GLT8D2: variants seen among roughly 807,000 people sequenced by gnomAD.
GLT8D2 encodes the protein glycosyltransferase 8 domain containing 2.
In GLT8D2, 45 loss-of-function variants were observed where a neutral mutation model predicts 44.5. The observed-to-expected ratio is 1.01, with a 90% CI of 0.80 to 1.30. GLT8D2 has a LOEUF of 1.30. Among genes scored for constraint, GLT8D2 ranks in the 50% most tolerant of loss-of-function variants. The pLI is 0.00. For missense variants in GLT8D2, 400 were observed against 430.4 expected (o/e 0.93, Z 0.62); for synonymous variants, 156 against 157.2 (o/e 0.99, Z 0.06).
chr12:104,034,196 C>T lies in GLT8D2; in HGVS notation c.-163-12705G>A, dbSNP rs530366883. On this transcript the variant is annotated intron_variant, in intron 1 of 10. Transcript: ENST00000360814. The stretch of plus-strand genomic sequence containing the variant: ...TTCCAAGATGGCTGAATAGGAACAG[C>T]TCTGGTCTGCAGCTCCCAGCGTGAT... 5.3e-5 allele frequency among the ~76,000 whole-genome samples: 8 copies of T among 152,290 alleles called. No individual in the cohort carries two copies. The South Asian group carries it at 1.5e-3, about 28-fold the overall frequency.
chr12:104,001,698 T>TTTATTTATTTATTTA (rs1874241558), intron 5 of GLT8D2, among the ~76,000 whole-genome samples: 2 of 141,624 alleles, frequency 1.4e-5, no homozygotes, highest in South Asian at 5.0e-4. Context: ...TTATTTATTT[T>TTTATTTATTTATTTA]TTATTTATTA....
At chr12:103,999,323 G>T in intron 6 of GLT8D2, 74 bp downstream of exon 6, 1 of 765,470 alleles carries the variant, frequency 1.3e-6, no homozygotes. Flanking sequence ...CATGCATCCC[G>T]GTGACTAGCA....
chr12:104,026,421 T>C (rs1878581868), intron 1 of GLT8D2, among the ~76,000 whole-genome samples: 1 of 152,112 alleles, frequency 6.6e-6, no homozygotes, highest in Non-Finnish European at 1.5e-5. Context: ...TATTCTGGAG[T>C]ATTTTATTTG....
intron 3 of GLT8D2, among the ~76,000 whole-genome samples, chr12:104,017,622 C>T (rs1300163937): frequency 1.3e-5 from 2 of 152,118 alleles, no homozygotes; most frequent in African/African-American, 4.8e-5. Context: ...TGTGCCTGGC[C>T]TAAAGAAAAT....
chr12:103,994,483 G>A lies in GLT8D2; in HGVS notation c.619C>T (p.Leu207=). The change falls in exon 9 of 11, where the codon CTG becomes TTG. Residue 207 remains leucine (L), a synonymous_variant. Coordinates refer to ENST00000360814, the MANE Select transcript of GLT8D2 (RefSeq NM_001384711.1). ...TTGATGGCCTTCTTCCGGTAGTCCA[G>A]ATAGCCCATATATGTGTTCTGTAAG... ...VGLQNTYMGY[L]DYRKKAIKDL... is the part of the protein sequence containing the mutation. The A allele has an allele frequency of 6.2e-7, 1 of 1,613,794 alleles. No individual in the cohort carries two copies. The highest frequency in any genetic ancestry group is 1.7e-4 in the Middle Eastern group (1 of 6,044).
chr12:104,002,560 T>G (rs1874363318), intron 5 of GLT8D2, among the ~76,000 whole-genome samples: 1 of 152,242 alleles, frequency 6.6e-6, no homozygotes, highest in Non-Finnish European at 1.5e-5. Flanking sequence ...GATTTTACAA[T>G]TATCTTTCAT....
At chr12:104,030,562 T>C (rs2136427937) in intron 1 of GLT8D2, among the ~76,000 whole-genome samples, 1 of 152,168 alleles carries the variant, frequency 6.6e-6, no homozygotes, top group South Asian at 2.1e-4. Flanking sequence ...CTAAAAAGTT[T>C]CTGCACTGCA....
chr12:103,997,801 C>T (rs1223144224), intron 6 of GLT8D2, among the ~76,000 whole-genome samples: 1 of 151,936 alleles, frequency 6.6e-6, no homozygotes, highest in East Asian at 1.9e-4. Context: ...TTCATCTCTG[C>T]GAACTGCTGT....
chr12:104,009,921 G>T (rs145167876), intron 4 of GLT8D2, among the ~76,000 whole-genome samples: 110 of 152,210 alleles, frequency 7.2e-4, no homozygotes, highest in Middle Eastern at 3.4e-3. Context: ...ATGTGGAACT[G>T]TAAGTCCAAT....
At chr12:104,008,931 C>G (rs940460178) in intron 4 of GLT8D2, among the ~76,000 whole-genome samples, 2 of 152,260 alleles carry the variant, frequency 1.3e-5, no homozygotes, top group Non-Finnish European at 2.9e-5. Context: ...GTTTGGGAAC[C>G]TCCACCTACA....
intron 1 of GLT8D2, among the ~76,000 whole-genome samples, chr12:104,021,840 A>T (rs1236482114): frequency 8.4e-6 from 1 of 118,572 alleles, no homozygotes; most frequent in Non-Finnish European, 1.8e-5. Context: ...AGAGAAAGGA[A>T]GGAAGGAGAA....
intron 1 of GLT8D2, among the ~76,000 whole-genome samples, chr12:104,058,516 A>G (rs994606717): frequency 6.6e-6 from 1 of 151,714 alleles, no homozygotes; most frequent in African/African-American, 2.4e-5. Flanking sequence ...TTGGAACCAT[A>G]TTATCTCATT....
At chr12:104,028,079 G>T (rs2136417220) in intron 1 of GLT8D2, among the ~76,000 whole-genome samples, 1 of 152,248 alleles carries the variant, frequency 6.6e-6, no homozygotes, top group East Asian at 1.9e-4. Context: ...CCAGTGTGTT[G>T]CCAACTCTGA....
intron 1 of GLT8D2, among the ~76,000 whole-genome samples, chr12:104,045,672 G>A (rs1881006333): frequency 6.6e-6 from 1 of 152,124 alleles, no homozygotes; most frequent in Non-Finnish European, 1.5e-5. Flanking sequence ...TGGAAAGAAT[G>A]TTTTGAGACC....
chr12:104,034,491 C>T (rs533886848), intron 1 of GLT8D2, among the ~76,000 whole-genome samples: 1 of 152,400 alleles, frequency 6.6e-6, no homozygotes, highest in South Asian at 2.1e-4. Flanking sequence ...AGATTACATC[C>T]TGTGCATGGC....
upstream of GLT8D2, among the ~76,000 whole-genome samples, chr12:104,053,152 G>A (rs1348931305): frequency 6.6e-6 from 1 of 152,186 alleles, no homozygotes; most frequent in Non-Finnish European, 1.5e-5. Flanking sequence ...GTGGACAGCA[G>A]CCTGAGCTGA....
intron 5 of GLT8D2, among the ~76,000 whole-genome samples, chr12:104,002,057 C>T (rs570422713): frequency 3.3e-5 from 5 of 152,262 alleles, no homozygotes; most frequent in Admixed American, 6.5e-5. Flanking sequence ...CTTACAGCAG[C>T]CTCAAACTCC....
intron 3 of GLT8D2, among the ~76,000 whole-genome samples, 154 bp downstream of exon 3, chr12:104,019,476 A>T (rs942102146): frequency 6.6e-6 from 1 of 152,132 alleles, no homozygotes; most frequent in African/African-American, 2.4e-5. Context: ...CATGGGAATC[A>T]TCTGGAAATG....
At chr12:103,996,643 G>A (rs1481642475) in intron 8 of GLT8D2, 92 bp downstream of exon 8, 1 of 876,008 alleles carries the variant, frequency 1.1e-6, no homozygotes, top group Non-Finnish European at 1.8e-6. Context: ...GGTTTTTGAG[G>A]TGGAGGTTAC....
Sources: gnomAD v4.1 joint callset for allele counts (sites outside exome capture counted in the v4.1 genomes callset) on GRCh38, gnomAD v4.1.1 for gene constraint, MANE v1.5 for transcripts, NCBI Gene and HGNC (gene_info 2026-07-23, HGNC 2026-07-21) for gene names.